Variants in AFF3 observed in about 807,000 individuals in gnomAD.
AFF3 encodes the protein AF4/FMR2 family member 3.
In AFF3, 32 loss-of-function variants were observed where a neutral mutation model predicts 129.7. The observed-to-expected ratio is 0.25, with a 90% CI of 0.19 to 0.33. The LOEUF (loss-of-function observed/expected upper bound fraction) is 0.33. Among genes scored for constraint, AFF3 ranks in the 10% least tolerant of loss-of-function variants. The pLI, the probability that AFF3 is intolerant of heterozygous loss-of-function variation, is 1.00. For missense variants in AFF3, 1,373 were observed against 1,592.0 expected (o/e 0.86, Z 2.34); for synonymous variants, 644 against 635.4 (o/e 1.01, Z -0.20).
At chr2:100,018,382 G>A (rs1683307075) in intron 4 of AFF3, among the ~76,000 whole-genome samples, 2 of 152,134 alleles carry the variant, frequency 1.3e-5, no homozygotes, top group South Asian at 4.1e-4. Context: ...GTGGAACGAT[G>A]ACTGTTTCAA....
intron 4 of AFF3, among the ~76,000 whole-genome samples, chr2:100,081,049 G>A (rs975464195): frequency 6.6e-6 from 1 of 151,944 alleles, no homozygotes; most frequent in Non-Finnish European, 1.5e-5. Flanking sequence ...TTCTGCTGGG[G>A]GCTGGAGCCA....
chr2:100,032,402 C>T (rs1684571995), intron 4 of AFF3, among the ~76,000 whole-genome samples: 1 of 150,812 alleles, frequency 6.6e-6, no homozygotes, highest in Non-Finnish European at 1.5e-5. Flanking sequence ...GCACTACAGC[C>T]TGGGCAACAG....
chr2:100,130,019 C>T (rs1186659629), intron 1 of AFF3, among the ~76,000 whole-genome samples: 1 of 152,122 alleles, frequency 6.6e-6, no homozygotes, highest in Non-Finnish European at 1.5e-5. Flanking sequence ...TCATATTGTG[C>T]ATGAAAAGGA....
intron 11 of AFF3, among the ~76,000 whole-genome samples, chr2:99,706,850 A>G (rs934939096): frequency 6.6e-6 from 1 of 152,214 alleles, no homozygotes; most frequent in Non-Finnish European, 1.5e-5. Context: ...CCTCTCAAAG[A>G]AATACAAATT....
intron 7 of AFF3, among the ~76,000 whole-genome samples, chr2:99,938,526 C>T (rs193185252): frequency 6.6e-6 from 1 of 152,268 alleles, no homozygotes; most frequent in Non-Finnish European, 1.5e-5. Flanking sequence ...TTGGTAAATA[C>T]TAGTCTAGTC....
intron 10 of AFF3, among the ~76,000 whole-genome samples, chr2:99,742,446 C>G (rs748681317): frequency 6.6e-6 from 1 of 152,150 alleles, no homozygotes; most frequent in Non-Finnish European, 1.5e-5. Context: ...TTATACCACA[C>G]AGGGATAGTG....
intron 7 of AFF3, among the ~76,000 whole-genome samples, chr2:99,919,065 AT>A (rs1695679765): frequency 6.6e-6 from 1 of 152,074 alleles, no homozygotes; most frequent in Admixed American, 6.6e-5. Flanking sequence ...TTACTGTCTC[AT>A]TTTTATGAAT....
chr2:100,040,603 G>C (rs866244047), intron 4 of AFF3, among the ~76,000 whole-genome samples: 1 of 152,156 alleles, frequency 6.6e-6, no homozygotes, highest in Non-Finnish European at 1.5e-5. Flanking sequence ...TTGAAGGAGC[G>C]ACCAGGGCTG....
At chr2:99,688,958 C>G (rs1487337237) in intron 11 of AFF3, among the ~76,000 whole-genome samples, 1 of 152,186 alleles carries the variant, frequency 6.6e-6, no homozygotes, top group East Asian at 1.9e-4. Flanking sequence ...AAACCAGAAC[C>G]TATTACCTCC....
chr2:99,743,695 C>T (rs1680908340), intron 10 of AFF3, among the ~76,000 whole-genome samples: 1 of 152,150 alleles, frequency 6.6e-6, no homozygotes, highest in South Asian at 2.1e-4. Context: ...CCGGTTGTGA[C>T]TTTTCTTCAT....
chr2:100,101,289 G>C (rs1365324656), intron 4 of AFF3, among the ~76,000 whole-genome samples: 2 of 152,040 alleles, frequency 1.3e-5, no homozygotes, highest in South Asian at 4.2e-4. Flanking sequence ...CACTCTCTGT[G>C]ACTGCAAGAA....
intron 7 of AFF3, among the ~76,000 whole-genome samples, chr2:99,945,895 G>C (rs1198291149): frequency 6.6e-6 from 1 of 152,218 alleles, no homozygotes; most frequent in Non-Finnish European, 1.5e-5. Flanking sequence ...GGATGTGACA[G>C]AGAGATCCAG....
At chr2:100,119,531 C>A (rs748953280) in intron 2 of AFF3, among the ~76,000 whole-genome samples, 1 of 152,206 alleles carries the variant, frequency 6.6e-6, no homozygotes, top group Non-Finnish European at 1.5e-5. Context: ...GTATGTTATT[C>A]TTGGCCGACT....
intron 2 of AFF3, among the ~76,000 whole-genome samples, chr2:100,124,913 C>G (rs1403546178): frequency 6.6e-6 from 1 of 152,124 alleles, no homozygotes; most frequent in African/African-American, 2.4e-5. Context: ...TTCTGGGAAC[C>G]TTGATCAGCC....
chr2:99,934,743 G>A lies in AFF3; in HGVS notation c.873+71889C>T, dbSNP rs998347090. The stretch of plus-strand genomic sequence containing the variant: ...TCACAACCCCCTGGGCAGGAGGACC[G>A]TCTTCTATTAGTGCCTCTGTCGGGG... On this transcript the variant is annotated intron_variant, in intron 7 of 24. Coordinates refer to ENST00000672756, the MANE Select transcript of AFF3 (RefSeq NM_001386135.1). Among the ~76,000 whole-genome samples the A allele has an allele frequency of 5.3e-5, 8 of 152,190 alleles. No individual in the cohort carries two copies. In the South Asian group the frequency reaches 1.0e-3, roughly 20 times the overall value.
In AFF3 at chr2:99,578,268, A is replaced by G. The variant is rs778766321; in HGVS notation, c.2918+59T>C. ...ACACCAAGGTGCCCATGCCCCTTCC[A>G]CCTGAGCAGCTTCTGTTCTGTCTTG... On this transcript the variant is annotated intron_variant, in intron 18 of 24. Transcript: ENST00000672756. 8.0e-5 allele frequency: 121 copies of G among 1,514,532 alleles called. 1 individual carries two copies. The highest frequency in any genetic ancestry group is 6.1e-4 in the South Asian group (45 of 74,192). 93.8% of individuals were successfully genotyped at this position (1,514,532 alleles called of 1,614,324 possible).
At position 99,797,969 on chromosome 2, in the gene AFF3, A is replaced by C. The variant is rs192952680; in HGVS notation, c.921+39508T>G. 1.0e-3 allele frequency among the ~76,000 whole-genome samples: 159 copies of C among 152,242 alleles called. 1 individual carries two copies. Among genetic ancestry groups the C allele is most frequent in the African/African-American group, 3.6e-3 (149 of 41,580 alleles). ...ACGGAAATATAAATATACCCAAAGC[A>C]ATAAAGAGAACTGAAAAATGGTAAG... On this transcript the variant is annotated intron_variant, in intron 8 of 24. Coordinates refer to ENST00000672756, the MANE Select transcript of AFF3 (RefSeq NM_001386135.1).
At chr2:99,958,517 A>T (rs1446203160) in intron 7 of AFF3, among the ~76,000 whole-genome samples, 1 of 151,100 alleles carries the variant, frequency 6.6e-6, no homozygotes, top group Non-Finnish European at 1.5e-5. Context: ...ACACAATGCG[A>T]CACAATTCAA....
chr2:99,781,134 A>G (rs1684375067), intron 8 of AFF3, among the ~76,000 whole-genome samples: 1 of 152,120 alleles, frequency 6.6e-6, no homozygotes, highest in South Asian at 2.1e-4. Flanking sequence ...CAAACCAAAC[A>G]GGTTCCTGCC....
Sources: gnomAD v4.1 joint callset for allele counts (sites outside exome capture counted in the v4.1 genomes callset) on GRCh38, gnomAD v4.1.1 for gene constraint, MANE v1.5 for transcripts, NCBI Gene and HGNC (gene_info 2026-07-23, HGNC 2026-07-21) for gene names.